The following GPM6A variants were observed in gnomAD, a reference collection of about 807,000 sequenced individuals.
The protein encoded by GPM6A is glycoprotein M6A.
GPM6A carries 7 observed loss-of-function variants against 32.1 expected under a neutral mutation model. The ratio of observed to expected loss-of-function variants is 0.22; its 90% CI spans 0.12 to 0.41. GPM6A has a LOEUF of 0.41. GPM6A is among the 10% of genes least tolerant of loss of function. GPM6A has a pLI of 1.00. For missense variants in GPM6A, 235 were observed against 347.2 expected, an observed-to-expected ratio of 0.68 and a Z score of 2.57; for synonymous variants, 130 against 123.4, an observed-to-expected ratio of 1.05 and a Z score of -0.35.
chr4:175,760,870 T>C (rs996727205), intron 1 of GPM6A, among the ~76,000 whole-genome samples: 11 of 152,052 alleles, frequency 7.2e-5, no homozygotes, highest in Admixed American at 6.6e-5. Context: ...ACAGTAATAA[T>C]AGACAATCAA....
chr4:175,807,870 T>A (rs553860068), intron 1 of GPM6A, among the ~76,000 whole-genome samples: 2 of 152,244 alleles, frequency 1.3e-5, no homozygotes, highest in African/African-American at 4.8e-5. Context: ...TCTGATTGCA[T>A]TGAGCCCAGC....
At chr4:175,837,025 G>T (rs1008655255) in intron 1 of GPM6A, among the ~76,000 whole-genome samples, 3 of 152,018 alleles carry the variant, frequency 2.0e-5, no homozygotes, top group African/African-American at 7.2e-5. Context: ...GATTATCTTG[G>T]GTTATCTACA....
intron 3 of GPM6A, among the ~76,000 whole-genome samples, chr4:175,664,047 C>T (rs929409397): frequency 2.6e-5 from 4 of 151,842 alleles, no homozygotes; most frequent in South Asian, 2.1e-4. Flanking sequence ...TGAAATGATG[C>T]GGAGGAACCT....
intron 1 of GPM6A, among the ~76,000 whole-genome samples, chr4:175,980,833 G>A (rs1228218462): frequency 6.6e-6 from 1 of 152,158 alleles, no homozygotes; most frequent in East Asian, 1.9e-4. Context: ...CGTAGGGTTT[G>A]ATGTTTGTTT....
In GPM6A at chr4:175,915,288, ATT is replaced by A. The variant is rs11316675; in HGVS notation, c.-23+87019_-23+87020del. On this transcript the variant is annotated intron_variant, in intron 1 of 7. Coordinates refer to the GPM6A transcript ENST00000280187. Reference sequence around the variant, plus strand: ...GGCTATCCTTCCTTAATTAAAAAGGATTTTTTTTTTTTTTTTGACATGGAGTC... The same window carrying A: ...GGCTATCCTTCCTTAATTAAAAAGGATTTTTTTTTTTTTTGACATGGAGTC... 3.0e-3 allele frequency among the ~76,000 whole-genome samples: 427 copies of A among 140,940 alleles called. 3 individuals are homozygous for A. Among genetic ancestry groups the A allele is most frequent in the East Asian group, 0.022 (108 of 4,818 alleles). 92.5% of individuals were successfully genotyped at this position (140,940 alleles called of 152,430 possible).
At chr4:175,684,201 C>A (rs1743845000) in intron 2 of GPM6A, among the ~76,000 whole-genome samples, 1 of 152,124 alleles carries the variant, frequency 6.6e-6, no homozygotes, top group Admixed American at 6.5e-5. Flanking sequence ...AGGGCTAAGA[C>A]ACAAGTGACA....
intron 1 of GPM6A, among the ~76,000 whole-genome samples, chr4:175,729,531 G>C (rs967820608): frequency 1.3e-5 from 2 of 152,032 alleles, no homozygotes; most frequent in Non-Finnish European, 1.5e-5. Context: ...GTATTTGCTA[G>C]CACAAAAGGA....
At chr4:175,960,054 T>A (rs1357049973) in intron 1 of GPM6A, among the ~76,000 whole-genome samples, 1 of 152,194 alleles carries the variant, frequency 6.6e-6, no homozygotes, top group African/African-American at 2.4e-5. Flanking sequence ...CATGGTTACA[T>A]CGTCACTAAG....
In GPM6A at chr4:175,668,552, A is replaced by C. The variant is rs187780467; in HGVS notation, c.387+5128T>G. Among the ~76,000 whole-genome samples, 182 of 22,060 alleles carry C rather than the reference A, an allele frequency of 8.3e-3. 1 individual carries two copies. Among genetic ancestry groups the C allele is most frequent in the Non-Finnish European group, 0.053 (159 of 2,992 alleles). The allele number at this position is 22,060 out of a possible 152,430, so 14.5% of individuals were successfully genotyped here. A position where few individuals can be genotyped will look rare whatever the true frequency, so the allele number is the denominator to read the frequency against. The stretch of plus-strand genomic sequence containing the variant: ...GTGTGTGTGTGTGTGTTTATTTTAA[A>C]AGGCATTAAAGTTTAGGGATAGTCT... On this transcript the variant is annotated intron_variant, in intron 3 of 6. Coordinates refer to ENST00000393658, the MANE Select transcript of GPM6A (RefSeq NM_201591.3).
At chr4:175,743,173 G>A (rs1263130154) in intron 1 of GPM6A, among the ~76,000 whole-genome samples, 1 of 150,124 alleles carries the variant, frequency 6.7e-6, no homozygotes, top group Non-Finnish European at 1.5e-5. Context: ...TCTGTGAGCA[G>A]ATCTAGATTA....
chr4:175,745,238 G>A (rs960110502), intron 1 of GPM6A, among the ~76,000 whole-genome samples: 1 of 152,000 alleles, frequency 6.6e-6, no homozygotes, highest in African/African-American at 2.4e-5. Context: ...TTTAAACATC[G>A]CCTAAGACTA....
chr4:175,735,350 G>A (rs763254881), intron 1 of GPM6A, among the ~76,000 whole-genome samples: 44 of 152,256 alleles, frequency 2.9e-4, no homozygotes, highest in South Asian at 6.2e-4. Context: ...CCTAATTTGG[G>A]AAGCAAGAAG....
chr4:175,816,606 G>C (rs1340292364), upstream of GPM6A, among the ~76,000 whole-genome samples: 1 of 152,196 alleles, frequency 6.6e-6, no homozygotes, highest in African/African-American at 2.4e-5. Context: ...CTGGGTCAGA[G>C]AACAGAGAGG....
intron 6 of GPM6A, among the ~76,000 whole-genome samples, chr4:175,637,052 A>G (rs1193885129): frequency 1.4e-5 from 1 of 72,922 alleles, no homozygotes; most frequent in Non-Finnish European, 2.5e-5. Flanking sequence ...ATATTTATAT[A>G]TAAAATATTT....
chr4:175,733,279 G>C (rs758898552), intron 1 of GPM6A, among the ~76,000 whole-genome samples: 1 of 152,060 alleles, frequency 6.6e-6, no homozygotes, highest in Non-Finnish European at 1.5e-5. Flanking sequence ...TGAGGCAGGC[G>C]GATCATGAGG....
At chr4:175,657,948 G>A (rs1742180631) in intron 3 of GPM6A, among the ~76,000 whole-genome samples, 1 of 152,108 alleles carries the variant, frequency 6.6e-6, no homozygotes, top group Non-Finnish European at 1.5e-5. Flanking sequence ...AATCAAGTAG[G>A]CTCTGGAAAT....
At chr4:175,808,910 A>G (rs1017183361) in intron 1 of GPM6A, 6 of 152,236 alleles carry the variant, frequency 3.9e-5, no homozygotes, top group African/African-American at 1.4e-4. Flanking sequence ...CAGCCAATTT[A>G]TGAAGACTCC....
At chr4:175,908,162 C>A (rs6821549) in intron 1 of GPM6A, among the ~76,000 whole-genome samples, 33 of 152,322 alleles carry the variant, frequency 2.2e-4, no homozygotes, top group Middle Eastern at 3.4e-3. Flanking sequence ...TTATGAAAAC[C>A]TGTCAAGTCT....
intron 1 of GPM6A, among the ~76,000 whole-genome samples, chr4:175,753,338 C>G (rs146265154): frequency 8.5e-4 from 130 of 152,110 alleles, no homozygotes; most frequent in African/African-American, 2.8e-3. Context: ...TATAAAGATA[C>G]TAACACAGTC....
Sources: allele counts gnomAD v4.1 joint callset (sites outside exome capture counted in the v4.1 genomes callset), GRCh38; gene constraint gnomAD v4.1.1; transcripts MANE v1.5; gene names NCBI Gene and HGNC (gene_info 2026-07-23, HGNC 2026-07-21).